Variants in SMAD4 observed in about 807,000 individuals in gnomAD.
The protein encoded by SMAD4 is SMAD family member 4.
Under a neutral mutation model 63.2 loss-of-function variants are expected in SMAD4, and 7 were observed. The observed-to-expected ratio is 0.11, with a 90% CI of 0.06 to 0.21. SMAD4 has a LOEUF of 0.21. Ranked by LOEUF, SMAD4 falls within the 10% of genes least tolerant of loss-of-function variation. The pLI, the probability that SMAD4 is intolerant of heterozygous loss-of-function variation, is 1.00. For missense variants in SMAD4, 312 were observed against 693.8 expected (o/e 0.45, Z 6.18); for synonymous variants, 215 against 235.4 (o/e 0.91, Z 0.79).
At position 51,083,454 on chromosome 18, in the gene SMAD4, T is replaced by G. The variant is rs188228460; in HGVS notation, c.*4987T>G. 91 of 228,408 alleles carry G rather than the reference T, an allele frequency of 4.0e-4. No homozygotes were observed. Among genetic ancestry groups the G allele is most frequent in the Non-Finnish European group, 4.3e-5 (5 of 115,990 alleles). The allele number at this position is 228,408 out of a possible 1,614,324, so 14.1% of individuals were successfully genotyped here. On this transcript the variant is annotated 3_prime_UTR_variant, in exon 12 of 12. Coordinates refer to ENST00000342988, the MANE Select transcript of SMAD4 (RefSeq NM_005359.6). ...AATGAATGAAACTTTTTGTCCTTTTTTTTTCTGTTTTTTTTTTTCTAATGT... is the reference window on the plus strand; with the variant it reads ...AATGAATGAAACTTTTTGTCCTTTTGTTTTCTGTTTTTTTTTTTCTAATGT...
chr18:51,073,361 T>TTATATATATATATATATATATATATA, intron 10 of SMAD4, among the ~76,000 whole-genome samples: 1 of 22,218 alleles, frequency 4.5e-5, no homozygotes, highest in South Asian at 2.1e-3. Flanking sequence ...CCAGATAACA[T>TTATATATATATATATATATATATATA]TATATATATA....
At position 51,079,450 on chromosome 18, in the gene SMAD4, G is replaced by A. The variant is rs1910553624; in HGVS notation, c.*983G>A. Reference sequence around the variant, plus strand: ...TGCTAAATTCTATGTTAAATACTGTGCAGAATAATGGAAACATTACAGTTC... The same window carrying A: ...TGCTAAATTCTATGTTAAATACTGTACAGAATAATGGAAACATTACAGTTC... On this transcript the variant is annotated 3_prime_UTR_variant, in exon 12 of 12. Transcript: ENST00000342988. 1 of 233,290 alleles carries A rather than the reference G, an allele frequency of 4.3e-6. No homozygotes were observed. Among genetic ancestry groups the A allele is most frequent in the African/African-American group, 2.2e-5 (1 of 45,326 alleles). 14.5% of individuals were successfully genotyped at this position (233,290 alleles called of 1,614,324 possible).
chr18:51,060,032 C>CA, intron 8 of SMAD4, 116 bp downstream of exon 8: 1 of 761,914 alleles, frequency 1.3e-6, no homozygotes, highest in East Asian at 2.5e-5. Context: ...GTACAATACT[C>CA]ATCATGACAT....
At position 51,078,782 on chromosome 18, in the gene SMAD4, C is replaced by CG; in HGVS notation, c.*315_*316insG. ...TTTAGCCCTTTAAAACGTCTTAGAGCCTTTTATCTGCAGAACATCGATATG... is the reference window on the plus strand; with the variant it reads ...TTTAGCCCTTTAAAACGTCTTAGAGCGCTTTTATCTGCAGAACATCGATATG... On this transcript the variant is annotated 3_prime_UTR_variant, in exon 12 of 12. Coordinates refer to ENST00000342988, the MANE Select transcript of SMAD4 (RefSeq NM_005359.6). 1 of 352,096 alleles carries CG rather than the reference C, an allele frequency of 2.8e-6. No individual in the cohort carries two copies. Among genetic ancestry groups the CG allele is most frequent in the African/African-American group, 2.0e-5 (1 of 49,722 alleles). The allele number at this position is 352,096 out of a possible 1,614,324, so 21.8% of individuals were successfully genotyped here. A position where few individuals can be genotyped will look rare whatever the true frequency, so the allele number is the denominator to read the frequency against.
rs1257577085 is a variant in SMAD4, at chr18:51,058,384, C to A, written c.832C>A (p.Pro278Thr). The A allele has an allele frequency of 1.2e-6, 2 of 1,614,122 alleles. No individual in the cohort carries two copies. The highest frequency in any genetic ancestry group is 4.5e-5 in the East Asian group (2 of 44,886). Residue 278 changes from proline to threonine, a missense_variant, in exon 7 of 12, where the codon CCT becomes ACT. Pro to Thr is a conservative substitution (Grantham distance 38). This residue lies in a region of SMAD4 where 169 missense variants were observed against 211.0 expected (regional missense o/e 0.80). Transcript: ENST00000342988. ...WTGSRTAPYTPNLPHHQNGHL... is the reference protein window; with the variant it reads ...WTGSRTAPYTTNLPHHQNGHL... Reference sequence around the variant, plus strand: ...TGGAAGTAGGACTGCACCATACACACCTAATTTGCCTCACCACCAAAACGG... The same window carrying A: ...TGGAAGTAGGACTGCACCATACACAACTAATTTGCCTCACCACCAAAACGG...
In SMAD4 at chr18:51,078,814, A is replaced by G. The variant is rs1910537616; in HGVS notation, c.*347A>G. 2 of 286,856 alleles carry G rather than the reference A, an allele frequency of 7.0e-6. No individual in the cohort carries two copies. Among genetic ancestry groups the G allele is most frequent in the Non-Finnish European group, 1.3e-5 (2 of 150,320 alleles). The allele number at this position is 286,856 out of a possible 1,614,324, so 17.8% of individuals were successfully genotyped here. A position where few individuals can be genotyped will look rare whatever the true frequency, so the allele number is the denominator to read the frequency against. On this transcript the variant is annotated 3_prime_UTR_variant, in exon 12 of 12. Transcript: ENST00000342988. ...TCTGCAGAACATCGATATGTATATC[A>G]TTCTACAGAATAATCCAGTATTGCT...
At chr18:51,039,898 A>C (rs547322055) in intron 1 of SMAD4, among the ~76,000 whole-genome samples, 7 of 152,188 alleles carry the variant, frequency 4.6e-5, no homozygotes, top group East Asian at 3.9e-4. Flanking sequence ...TTAAAAAAAA[A>C]CTTTTTGTTG....
At chr18:51,045,711 G>C (rs1230244787) in intron 1 of SMAD4, among the ~76,000 whole-genome samples, 1 of 152,044 alleles carries the variant, frequency 6.6e-6, no homozygotes, top group Non-Finnish European at 1.5e-5. Context: ...AGTCAGAGTT[G>C]TGCAACCATC....
intron 10 of SMAD4, among the ~76,000 whole-genome samples, chr18:51,073,309 A>G (rs575081761): frequency 1.4e-5 from 2 of 144,890 alleles, no homozygotes; most frequent in African/African-American, 5.1e-5. Context: ...TTAAAGGCAT[A>G]CTTGAATCTT....
intron 1 of SMAD4, among the ~76,000 whole-genome samples, chr18:51,034,517 C>T (rs1253811894): frequency 6.6e-6 from 1 of 152,184 alleles, no homozygotes; most frequent in East Asian, 1.9e-4. Flanking sequence ...TCCCAAGGTG[C>T]TGGGATTATA....
At chr18:51,036,092 G>C (rs1422058085) in intron 1 of SMAD4, among the ~76,000 whole-genome samples, 3 of 151,938 alleles carry the variant, frequency 2.0e-5, no homozygotes, top group Non-Finnish European at 4.4e-5. Flanking sequence ...TCTTGCCTCA[G>C]CCTCCAGAGT....
At chr18:51,049,345 T>C (rs938556033) in intron 4 of SMAD4, 21 bp downstream of exon 4, 1 of 1,576,578 alleles carries the variant, frequency 6.3e-7, no homozygotes. Flanking sequence ...TGTTTCTTAC[T>C]ACTTTCTCTT....
intron 5 of SMAD4, among the ~76,000 whole-genome samples, chr18:51,057,023 G>A (rs1333673788): frequency 6.6e-6 from 1 of 152,124 alleles, no homozygotes; most frequent in Non-Finnish European, 1.5e-5. Flanking sequence ...TAGGAAGGGA[G>A]GTTGCTAAAA....
intron 1 of SMAD4, among the ~76,000 whole-genome samples, chr18:51,043,983 G>A (rs1208034851): frequency 6.6e-6 from 1 of 152,166 alleles, no homozygotes; most frequent in Non-Finnish European, 1.5e-5. Context: ...AAATGAGAGT[G>A]TTGTTGCTGT....
intron 10 of SMAD4, among the ~76,000 whole-genome samples, chr18:51,076,300 A>G (rs1166010820): frequency 6.6e-6 from 1 of 152,184 alleles, no homozygotes; most frequent in African/African-American, 2.4e-5. Flanking sequence ...CAGCAATTTG[A>G]TTATGAAAGG....
At chr18:51,073,057 A>G (rs1185871305) in intron 10 of SMAD4, among the ~76,000 whole-genome samples, 2 of 152,012 alleles carry the variant, frequency 1.3e-5, no homozygotes, top group African/African-American at 4.8e-5. Context: ...AATTACGTAA[A>G]TAATCTGTGG....
rs141149381 is a variant in SMAD4 at position 51,059,870 on chromosome 18, T to C, written c.909T>C (p.Pro303=). The C allele has an allele frequency of 4.0e-5, 64 of 1,612,460 alleles. No homozygotes were observed. The highest frequency in any genetic ancestry group is 5.1e-5 in the Non-Finnish European group (60 of 1,178,700). ...TTTTTGTTGTCTTTTCTTTAGGGCC[T>C]GTTCACAATGAGCTTGCATTCCAGC... ...PMPPHPGHYW[P]VHNELAFQPP... Residue 303 remains proline (P), a synonymous_variant, in exon 8 of 12, where the codon CCT becomes CCC. Coordinates refer to ENST00000342988, the MANE Select transcript of SMAD4 (RefSeq NM_005359.6).
intron 8 of SMAD4, among the ~76,000 whole-genome samples, chr18:51,062,320 A>G (rs565404653): frequency 6.6e-6 from 1 of 152,270 alleles, no homozygotes; most frequent in South Asian, 2.1e-4. Context: ...TAACATCACT[A>G]AAACCAATAC....
intron 4 of SMAD4, chr18:51,053,014 T>C (rs1039654100): frequency 6.6e-6 from 1 of 152,296 alleles, no homozygotes; most frequent in Non-Finnish European, 1.5e-5. Flanking sequence ...TAAAGAGATC[T>C]GTAGACCAGT....
Sources: gnomAD v4.1 joint callset for allele counts (sites outside exome capture counted in the v4.1 genomes callset) on GRCh38, gnomAD v4.1.1 for gene constraint, gnomAD v4.1.1 regional missense constraint, MANE v1.5 for transcripts, NCBI Gene and HGNC (gene_info 2026-07-23, HGNC 2026-07-21) for gene names.